ERICH3: variants seen among roughly 807,000 people sequenced by gnomAD.
ERICH3 encodes glutamate-rich protein 3.
ERICH3 carries 126 observed loss-of-function variants against 131.1 expected under a neutral mutation model. The ratio of observed to expected loss-of-function variants is 0.96; its 90% CI spans 0.83 to 1.11. The LOEUF (loss-of-function observed/expected upper bound fraction) is 1.11, where lower values mean the gene tolerates loss of function less well. Among genes scored for constraint, ERICH3 ranks in the 50% most tolerant of loss-of-function variants. The pLI is 0.00. For missense variants in ERICH3, 2,050 were observed against 1,810.7 expected, an observed-to-expected ratio of 1.13 and a Z score of -2.40; for synonymous variants, 695 against 644.6, an observed-to-expected ratio of 1.08 and a Z score of -1.18.
intron 1 of ERICH3, among the ~76,000 whole-genome samples, chr1:74,666,339 A>G (rs993410033): frequency 2.6e-5 from 4 of 152,104 alleles, no homozygotes; most frequent in African/African-American, 9.7e-5. Context: ...ATATATCTAC[A>G]CTCTTCAATG....
At chr1:74,597,978 C>G (rs1046494212) in intron 11 of ERICH3, among the ~76,000 whole-genome samples, 6 of 151,946 alleles carry the variant, frequency 3.9e-5, no homozygotes, top group Non-Finnish European at 5.9e-5. Flanking sequence ...CTTACTTATG[C>G]TGTAGTCTGC....
At chr1:74,658,058 G>T (rs904628258) in intron 1 of ERICH3, among the ~76,000 whole-genome samples, 2 of 152,120 alleles carry the variant, frequency 1.3e-5, no homozygotes, top group Non-Finnish European at 2.9e-5. Context: ...ACACAATCTT[G>T]TGAATTAGTA....
intron 7 of ERICH3, among the ~76,000 whole-genome samples, chr1:74,626,428 T>C (rs1649417948): frequency 6.6e-6 from 1 of 152,206 alleles, no homozygotes; most frequent in African/African-American, 2.4e-5. Flanking sequence ...GGGGCTTTCA[T>C]GGAAAAGTCT....
At chr1:74,628,407 G>A (rs143112673) in intron 7 of ERICH3, among the ~76,000 whole-genome samples, 8 of 152,094 alleles carry the variant, frequency 5.3e-5, no homozygotes, top group East Asian at 3.9e-4. Flanking sequence ...ATAACTTATG[G>A]TATTGATAAA....
chr1:74,649,172 A>G (rs1646510506), intron 2 of ERICH3, 50 bp downstream of exon 2: 1 of 1,311,488 alleles, frequency 7.6e-7, no homozygotes, highest in South Asian at 1.3e-5. Flanking sequence ...GTAGGGAATT[A>G]TTGGACTTAA....
At chr1:74,606,954 T>C in intron 9 of ERICH3, 52 bp from the exon 10 acceptor site, 1 of 1,497,434 alleles carries the variant, frequency 6.7e-7, no homozygotes, top group Non-Finnish European at 9.0e-7. Context: ...GACAGCACAA[T>C]GGAACCTCAA....
intron 1 of ERICH3, among the ~76,000 whole-genome samples, chr1:74,668,495 GA>G (rs1414808815): frequency 2.6e-5 from 4 of 152,184 alleles, no homozygotes; most frequent in African/African-American, 9.6e-5. Flanking sequence ...TATAGTTGAA[GA>G]AGGACCTAAT....
At chr1:74,660,842 G>T (rs1222168398) in intron 1 of ERICH3, among the ~76,000 whole-genome samples, 2 of 151,794 alleles carry the variant, frequency 1.3e-5, no homozygotes, top group Admixed American at 1.3e-4. Context: ...TTTCTGTGAT[G>T]CAAGTCATAG....
rs543088260 is a variant in ERICH3, at chr1:74,585,888, T to C, written c.2176+3743A>G. Reference sequence around the variant, plus strand: ...TAACAAATTTATTGAATCATTTCCCTGAGTATTTGTATTTAGAAAACATTA... The same window carrying C: ...TAACAAATTTATTGAATCATTTCCCCGAGTATTTGTATTTAGAAAACATTA... On this transcript the variant is annotated intron_variant, in intron 12 of 14. Transcript: ENST00000326665. Among the ~76,000 whole-genome samples, 4 of 152,278 alleles carry C rather than the reference T, an allele frequency of 2.6e-5. No individual in the cohort carries two copies. The East Asian group carries it at 7.7e-4, about 29-fold the overall frequency.
At chr1:74,588,528 T>C (rs1388961396) in intron 12 of ERICH3, among the ~76,000 whole-genome samples, 2 of 152,320 alleles carry the variant, frequency 1.3e-5, no homozygotes, top group African/African-American at 2.4e-5. Context: ...AAAAGTAACA[T>C]AGACGCTAAA....
intron 3 of ERICH3, 152 bp downstream of exon 3, chr1:74,646,515 A>C: frequency 2.1e-6 from 1 of 478,918 alleles, no homozygotes; most frequent in Non-Finnish European, 3.3e-6. Context: ...ATGCAGAAAG[A>C]ATCTCTCTTT....
In ERICH3 at chr1:74,643,018, A is replaced by G. The variant is rs924741334; in HGVS notation, c.315+9T>C. The G allele has an allele frequency of 6.3e-7, 1 of 1,587,512 alleles. No homozygotes were observed. Among genetic ancestry groups the G allele is most frequent in the Admixed American group, 1.7e-5 (1 of 57,782 alleles). ...CTATGAAGTAAAAGAGAGTTATATA[A>G]CTCCTTACCTTAAACCTCTGGATTC... On this transcript the variant is annotated intron_variant, in intron 4 of 14. Coordinates refer to ENST00000326665, the MANE Select transcript of ERICH3 (RefSeq NM_001002912.5).
At chr1:74,649,165 G>A in intron 2 of ERICH3, 57 bp downstream of exon 2, 1 of 1,215,272 alleles carries the variant, frequency 8.2e-7, no homozygotes, top group Non-Finnish European at 1.2e-6. Flanking sequence ...TGAAAAGGTA[G>A]GGAATTATTG....
Position 74,673,762 on chromosome 1 carries a change from G to A in ERICH3, c.-243C>T. 2 of 398,988 alleles carry A rather than the reference G, an allele frequency of 5.0e-6. No homozygotes were observed. Among genetic ancestry groups the A allele is most frequent in the Non-Finnish European group, 8.8e-6 (2 of 228,432 alleles). The allele number at this position is 398,988 out of a possible 1,614,324, so 24.7% of individuals were successfully genotyped here. A position where few individuals can be genotyped will look rare whatever the true frequency, so the allele number is the denominator to read the frequency against. Reference sequence around the variant, plus strand: ...TTGCTAAGGGAGGAGAGAGGCAAGCGCCCAGGGTCTGGAGAAGCGGAGGCG... The same window carrying A: ...TTGCTAAGGGAGGAGAGAGGCAAGCACCCAGGGTCTGGAGAAGCGGAGGCG... On this transcript the variant is annotated 5_prime_UTR_variant, in exon 1 of 15. Transcript: ENST00000326665.
intron 12 of ERICH3, among the ~76,000 whole-genome samples, chr1:74,587,324 C>CAAAAAA (rs11330631): frequency 4.3e-4 from 24 of 56,174 alleles, no homozygotes; most frequent in Admixed American, 9.9e-4. Flanking sequence ...GACTCCATCT[C>CAAAAAA]AAAAAAAAAA....
chr1:74,607,127 C>T (rs563957039), intron 9 of ERICH3, among the ~76,000 whole-genome samples: 4 of 152,006 alleles, frequency 2.6e-5, no homozygotes, highest in East Asian at 1.9e-4. Flanking sequence ...TTCTTAATAA[C>T]GTTATCCACA....
intron 1 of ERICH3, among the ~76,000 whole-genome samples, chr1:74,669,804 A>G (rs1023640979): frequency 6.6e-6 from 1 of 152,226 alleles, no homozygotes; most frequent in African/African-American, 2.4e-5. Context: ...TAAGTAAGCA[A>G]TGGAAATCAA....
chr1:74,669,375 G>T (rs1450025953), intron 1 of ERICH3, among the ~76,000 whole-genome samples: 1 of 151,990 alleles, frequency 6.6e-6, no homozygotes, highest in African/African-American at 2.4e-5. Flanking sequence ...TTACAGATGA[G>T]TGCAACTATC....
chr1:74,611,453 C>T (rs934605644), intron 9 of ERICH3, among the ~76,000 whole-genome samples: 1 of 152,132 alleles, frequency 6.6e-6, no homozygotes, highest in Non-Finnish European at 1.5e-5. Flanking sequence ...TTTCCCCACA[C>T]ACCCTTGTTT....
Sources: allele counts gnomAD v4.1 joint callset (sites outside exome capture counted in the v4.1 genomes callset), GRCh38; gene constraint gnomAD v4.1.1; transcripts MANE v1.5; gene names NCBI Gene and HGNC (gene_info 2026-07-23, HGNC 2026-07-21).